CAMTA1: variants seen among roughly 807,000 people sequenced by gnomAD.
CAMTA1 encodes the protein calmodulin-binding transcription activator 1.
Under a neutral mutation model 170.9 loss-of-function variants are expected in CAMTA1, and 27 were observed. That is an observed-to-expected ratio of 0.16 (90% CI 0.12 to 0.22). CAMTA1 has a LOEUF of 0.22. Ranked by LOEUF, CAMTA1 falls within the 10% of genes least tolerant of loss-of-function variation. The probability of loss-of-function intolerance (pLI) is 1.00; values close to 1 mark genes in which losing one functional copy is unlikely to be tolerated. For missense variants in CAMTA1, 1,619 were observed against 2,217.2 expected, an observed-to-expected ratio of 0.73 and a Z score of 5.42; for synonymous variants, 833 against 891.5, an observed-to-expected ratio of 0.93 and a Z score of 1.17.
At chr1:7,161,625 C>T (rs11120868) in intron 4 of CAMTA1, among the ~76,000 whole-genome samples, 40,633 of 152,222 alleles carry the variant, frequency 0.27, 5,802 homozygotes, top group East Asian at 0.34. Flanking sequence ...ACATGACTTG[C>T]TCTTCCTTGC....
chr1:7,426,701 C>T lies in CAMTA1; in HGVS notation c.439-41129C>T, dbSNP rs900967769. On this transcript the variant is annotated intron_variant, in intron 5 of 22. Coordinates refer to ENST00000303635, the MANE Select transcript of CAMTA1 (RefSeq NM_015215.4). This position sits in a 1 kb window ranked among gnomAD's most constrained non-coding sequence, Gnocchi z 4.8. ...GAAAGGTGGAGAAAACTTCGCTCACCGCATTTGGGCAGGAGAAATCTGAGA... is the reference window on the plus strand; with the variant it reads ...GAAAGGTGGAGAAAACTTCGCTCACTGCATTTGGGCAGGAGAAATCTGAGA... 6.6e-6 allele frequency among the ~76,000 whole-genome samples: 1 copy of T among 152,120 alleles called. No homozygotes were observed. Among genetic ancestry groups the T allele is most frequent in the Non-Finnish European group, 1.5e-5 (1 of 68,034 alleles).
rs540108348 is a variant in CAMTA1, at chr1:7,234,010, A to G, written c.303-15481A>G. 6.6e-6 allele frequency among the ~76,000 whole-genome samples: 1 copy of G among 152,210 alleles called. No homozygotes were observed. The highest frequency in any genetic ancestry group is 2.4e-5 in the African/African-American group (1 of 41,524). On this transcript the variant is annotated intron_variant, in intron 4 of 22. Coordinates refer to ENST00000303635, the MANE Select transcript of CAMTA1 (RefSeq NM_015215.4). The surrounding 1 kb of genome is among the most constrained non-coding windows in gnomAD (Gnocchi z 5.0). ...TCCAGGTTAATTTATGCCGTCTTAC[A>G]TTTTATGCTACATTTGTATTAAGAT...
intron 11 of CAMTA1, among the ~76,000 whole-genome samples, chr1:7,690,434 G>A (rs1171768997): frequency 1.3e-5 from 2 of 152,180 alleles, no homozygotes; most frequent in South Asian, 2.1e-4. Flanking sequence ...CAAATCCTGA[G>A]ATGTGCTGGC....
chr1:7,253,789 C>T (rs891405649), intron 5 of CAMTA1, among the ~76,000 whole-genome samples: 3 of 152,072 alleles, frequency 2.0e-5, no homozygotes, highest in South Asian at 2.1e-4. Context: ...TCGGGGTACT[C>T]GGGTGGGGCC....
At chr1:6,997,261 T>TTGTGTG (rs56747237) in intron 3 of CAMTA1, among the ~76,000 whole-genome samples, 7 of 151,630 alleles carry the variant, frequency 4.6e-5, no homozygotes, top group African/African-American at 1.5e-4. Flanking sequence ...GTTTTTTGCT[T>TTGTGTG]TGTGTGTGTG....
At chr1:7,755,538 C>A in intron 21 of CAMTA1, 100 bp from the exon 22 acceptor site, 2 of 924,904 alleles carry the variant, frequency 2.2e-6, no homozygotes, top group East Asian at 2.4e-5. Context: ...AAAAAAGAAA[C>A]CATGTTATAT....
chr1:7,441,143 C>CT (rs2092520281), intron 5 of CAMTA1: 1 of 152,206 alleles, frequency 6.6e-6, no homozygotes, highest in African/African-American at 2.4e-5. Flanking sequence ...GTGGAGTTTT[C>CT]TACTTCTGTT....
intron 3 of CAMTA1, among the ~76,000 whole-genome samples, chr1:7,089,166 C>A (rs1641141524): frequency 6.6e-6 from 1 of 152,112 alleles, no homozygotes; most frequent in Non-Finnish European, 1.5e-5. Flanking sequence ...TTGTCCTCTG[C>A]CAGCCAGTGT....
intron 5 of CAMTA1, among the ~76,000 whole-genome samples, chr1:7,347,131 G>C (rs889357016): frequency 1.3e-5 from 2 of 152,236 alleles, no homozygotes; most frequent in East Asian, 1.9e-4. Flanking sequence ...CCTCATCCCG[G>C]TGGCAGCGTC....
intron 1 of CAMTA1, among the ~76,000 whole-genome samples, chr1:6,794,880 C>CTTTTTTTTTTTTTTTTTTTTTTTTTT (rs1305335139): frequency 1.4e-5 from 2 of 141,898 alleles, no homozygotes; most frequent in Non-Finnish European, 1.5e-5. Flanking sequence ...TAGATAAAGG[C>CTTTTTTTTTTTTTTTTTTTTTTTTTT]TTTTTTTTTG....
chr1:7,135,769 T>G (rs1322316204), intron 4 of CAMTA1, among the ~76,000 whole-genome samples: 1 of 152,158 alleles, frequency 6.6e-6, no homozygotes, highest in Non-Finnish European at 1.5e-5. Flanking sequence ...TCTTTCTGAC[T>G]CTCTATCTGT....
intron 4 of CAMTA1, among the ~76,000 whole-genome samples, chr1:7,094,316 T>C (rs967372844): frequency 4.1e-5 from 6 of 145,736 alleles, no homozygotes; most frequent in Non-Finnish European, 7.5e-5. Flanking sequence ...GCTGAGTTCA[T>C]ACAAACTGGC....
intron 1 of CAMTA1, among the ~76,000 whole-genome samples, chr1:6,791,033 G>A (rs1356460187): frequency 1.3e-5 from 2 of 151,502 alleles, no homozygotes; most frequent in Non-Finnish European, 2.9e-5. Flanking sequence ...GACAAGTGAT[G>A]TGTGTGTTTC....
In CAMTA1 at chr1:6,974,428, T is replaced by A. The variant is rs566189063; in HGVS notation, c.235-116876T>A. On this transcript the variant is annotated intron_variant, in intron 3 of 22. Transcript: ENST00000303635. Reference sequence around the variant, plus strand: ...AATGTAAAATAAACTCTAAATGGGGTGGCACACAGCATGGTGGCCTGCAAC... The same window carrying A: ...AATGTAAAATAAACTCTAAATGGGGAGGCACACAGCATGGTGGCCTGCAAC... Among the ~76,000 whole-genome samples, 79 of 152,286 alleles carry A rather than the reference T, an allele frequency of 5.2e-4. No homozygotes were observed. The South Asian group carries it at 0.016, about 31-fold the overall frequency.
At chr1:6,828,220 T>C (rs1347344997) in intron 3 of CAMTA1, among the ~76,000 whole-genome samples, 1 of 152,028 alleles carries the variant, frequency 6.6e-6, no homozygotes, top group African/African-American at 2.4e-5. Context: ...TGTTTAAATA[T>C]TTGTGATTGT....
At chr1:7,405,435 AT>A (rs2149227320) in intron 5 of CAMTA1, among the ~76,000 whole-genome samples, 1 of 152,272 alleles carries the variant, frequency 6.6e-6, no homozygotes, top group African/African-American at 2.4e-5. Flanking sequence ...CAGTAGCACG[AT>A]CATGGCTCCC....
intron 5 of CAMTA1, among the ~76,000 whole-genome samples, chr1:7,278,458 A>C (rs1472678690): frequency 1.3e-5 from 2 of 152,226 alleles, no homozygotes; most frequent in African/African-American, 4.8e-5. Context: ...ACAATAAAAA[A>C]ATGGAAGCTA....
intron 7 of CAMTA1, among the ~76,000 whole-genome samples, chr1:7,654,295 G>A (rs2095865335): frequency 6.6e-6 from 1 of 152,058 alleles, no homozygotes; most frequent in South Asian, 2.1e-4. Context: ...CATGAGAATT[G>A]CTTGAACCCA....
chr1:7,381,431 T>C (rs2087315706), intron 5 of CAMTA1, among the ~76,000 whole-genome samples: 1 of 151,828 alleles, frequency 6.6e-6, no homozygotes, highest in African/African-American at 2.4e-5. Flanking sequence ...TGCAATAGTT[T>C]ACTGAGAATG....
Sources: gnomAD v4.1 joint callset for allele counts (sites outside exome capture counted in the v4.1 genomes callset) on GRCh38, gnomAD v4.1.1 for gene constraint, Gnocchi (gnomAD v3.1) non-coding constraint, MANE v1.5 for transcripts, NCBI Gene and HGNC (gene_info 2026-07-23, HGNC 2026-07-21) for gene names.